ZNF337: variants seen among roughly 807,000 people sequenced by gnomAD.
ZNF337 encodes the protein zinc finger protein 337.
A neutral mutation model predicts 12.1 loss-of-function variants in ZNF337; 8 were observed. That is an observed-to-expected ratio of 0.66 (90% CI 0.39 to 1.19). ZNF337 has a LOEUF of 1.19. ZNF337 is among the 50% of genes most tolerant of loss of function. ZNF337 has a pLI of 0.01. For synonymous variants in ZNF337, 336 were observed against 320.0 expected (o/e 1.05, Z -0.53); for missense variants, 882 against 896.6 (o/e 0.98, Z 0.21).
At chr20:25,695,870 T>TA (rs2065919810) in intron 1 of ZNF337, among the ~76,000 whole-genome samples, 1 of 152,176 alleles carries the variant, frequency 6.6e-6, no homozygotes, top group African/African-American at 2.4e-5. Context: ...CTGAATTGTA[T>TA]AAAATTAACC....
rs1349866877 is a variant in ZNF337 at position 25,675,520 on chromosome 20, G to A, written c.1768C>T (p.His590Tyr). 1.9e-6 allele frequency: 3 copies of A among 1,614,132 alleles called. No individual in the cohort carries two copies. The East Asian group carries it at 6.7e-5, about 36-fold the overall frequency. Residue 590 changes from histidine to tyrosine, a missense_variant, in exon 5 of 5, where the codon CAC becomes TAC. His to Tyr is a moderately conservative substitution (Grantham distance 83). Coordinates refer to ENST00000252979, the MANE Select transcript of ZNF337 (RefSeq NM_015655.4). ...TTCTCCCCTGAGTGTGTCTTCTGGT[G>A]GAAGAGGAGAGTTGATTTTAGGATG... ...GFILKSTLLFHQKTHSGEKPF... is the reference protein window; with the variant it reads ...GFILKSTLLFYQKTHSGEKPF...
In ZNF337 at chr20:25,674,876, G is replaced by A. The variant is rs2065657273; in HGVS notation, c.*156C>T. On this transcript the variant is annotated 3_prime_UTR_variant, in exon 5 of 5. Coordinates refer to ENST00000252979, the MANE Select transcript of ZNF337 (RefSeq NM_015655.4). The stretch of plus-strand genomic sequence containing the variant: ...GACCTCTTTTCTCTGAATCTCTTGG[G>A]GACACATGGGTTGAATTCAGGTTCT... 4.6e-6 allele frequency: 3 copies of A among 657,118 alleles called. No homozygotes were observed. Among genetic ancestry groups the A allele is most frequent in the East Asian group, 5.4e-5 (2 of 36,714 alleles). 40.7% of individuals were successfully genotyped at this position (657,118 alleles called of 1,614,324 possible).
chr20:25,673,947 T>C lies in ZNF337; in HGVS notation c.*1085A>G, dbSNP rs2065644747. On this transcript the variant is annotated 3_prime_UTR_variant, in exon 5 of 5. Coordinates refer to ENST00000252979, the MANE Select transcript of ZNF337 (RefSeq NM_015655.4). ...TTCTCAGGAAATCACCTGTGAAATA[T>C]TTTGCAGCTAACCACCTACCTGTGC... 1 of 152,216 alleles carries C rather than the reference T, an allele frequency of 6.6e-6. No homozygotes were observed. Among genetic ancestry groups the C allele is most frequent in the African/African-American group, 2.4e-5 (1 of 41,456 alleles). The allele number at this position is 152,216 out of a possible 1,614,324, so 9.4% of individuals were successfully genotyped here.
At position 25,676,141 on chromosome 20, in the gene ZNF337, G is replaced by A. The variant is rs1251013178; in HGVS notation, c.1147C>T (p.Gln383Ter). Residue 383 changes from glutamine (Q) to a stop codon, truncating the protein, a stop_gained, in exon 5 of 5, where the codon CAA (glutamine) becomes TAA (stop). Transcript: ENST00000252979. LOFTEE classifies it low-confidence loss of function (END_TRUNC). ...AGACTTCCTTTCACGCTAAAACTTT[G>A]CTTACACTGCCTGCACGCAAAGGGC... The part of the protein sequence containing the change: ...EKPFACRQCK[Q>*]SFSVKGSLLR... 1 of 1,613,436 alleles carries A rather than the reference G, an allele frequency of 6.2e-7. No individual in the cohort carries two copies. Among genetic ancestry groups the A allele is most frequent in the East Asian group, 2.2e-5 (1 of 44,782 alleles).
At position 25,675,526 on chromosome 20, in the gene ZNF337, G is replaced by A; in HGVS notation, c.1762C>T (p.Leu588Phe). 1 of 1,612,162 alleles carries A rather than the reference G, an allele frequency of 6.2e-7. No individual in the cohort carries two copies. Among genetic ancestry groups the A allele is most frequent in the Non-Finnish European group, 8.5e-7 (1 of 1,179,326 alleles). The change falls in exon 5 of 5, where the codon CTC becomes TTC. Residue 588 changes from leucine (L) to phenylalanine (F), a missense_variant. Coordinates refer to ENST00000252979, the MANE Select transcript of ZNF337 (RefSeq NM_015655.4). Reference sequence around the variant, plus strand: ...CCTGAGTGTGTCTTCTGGTGGAAGAGGAGAGTTGATTTTAGGATGAAGCCT... The same window carrying A: ...CCTGAGTGTGTCTTCTGGTGGAAGAAGAGAGTTGATTTTAGGATGAAGCCT... ...GRGFILKSTL[L>F]FHQKTHSGEK...
Position 25,685,576 on chromosome 20 carries a change from G to C in ZNF337, c.241C>G (p.Pro81Ala), listed in dbSNP as rs202151029. Reference protein sequence around the residue: ...WGEERRRRPGPCAGIYAEHVL... With the variant: ...WGEERRRRPGACAGIYAEHVL... ...CTGTCTATCCCCTCACCTGCACAGGGGCCTGGCCGGCGTCTTCTCTCTTCT... is the reference window on the plus strand; with the variant it reads ...CTGTCTATCCCCTCACCTGCACAGGCGCCTGGCCGGCGTCTTCTCTCTTCT... Residue 81 changes from proline (P) to alanine (A), a missense_variant, in exon 4 of 5, where the codon CCC (proline) becomes GCC (alanine). Physicochemically the swap from Pro to Ala is conservative, Grantham distance 27. Coordinates refer to ENST00000252979, the MANE Select transcript of ZNF337 (RefSeq NM_015655.4). 4 of 1,613,840 alleles carry C rather than the reference G, an allele frequency of 2.5e-6. No homozygotes were observed. Among genetic ancestry groups the C allele is most frequent in the African/African-American group, 2.7e-5 (2 of 74,924 alleles).
Position 25,676,131 on chromosome 20 carries a change from C to A in ZNF337, c.1157G>T (p.Ser386Ile). The A allele has an allele frequency of 6.2e-7, 1 of 1,612,190 alleles. No individual in the cohort carries two copies. The highest frequency in any genetic ancestry group is 8.5e-7 in the Non-Finnish European group (1 of 1,179,526). Reference protein sequence around the residue: ...FACRQCKQSFSVKGSLLRHQR... With the variant: ...FACRQCKQSFIVKGSLLRHQR... ...GTGTCTGAGGAGACTTCCTTTCACG[C>A]TAAAACTTTGCTTACACTGCCTGCA... Residue 386 changes from serine to isoleucine, a missense_variant, in exon 5 of 5, where the codon AGC becomes ATC. Coordinates refer to ENST00000252979, the MANE Select transcript of ZNF337 (RefSeq NM_015655.4).
intron 3 of ZNF337, 115 bp from the exon 4 acceptor site, chr20:25,685,777 G>A: frequency 8.5e-7 from 1 of 1,183,022 alleles, no homozygotes; most frequent in Non-Finnish European, 1.2e-6. Flanking sequence ...AGGCTCAGGA[G>A]GACCCTGTCT....
rs1001794497 is a variant in ZNF337 at position 25,690,512 on chromosome 20, T to A, written c.-49-4046A>T. Among the ~76,000 whole-genome samples the A allele has an allele frequency of 1.3e-4, 20 of 152,156 alleles. 1 individual carries two copies. Among genetic ancestry groups the A allele is most frequent in the African/African-American group, 4.8e-4 (20 of 41,436 alleles). ...CTGAGAAAGCACAGTAGACCTTTCT[T>A]ACAAGGTTCTAAGCTGTTGGAGGCT... On this transcript the variant is annotated intron_variant, in intron 1 of 4. Transcript: ENST00000252979.
At chr20:25,689,711 CAG>C (rs2065868616) in intron 1 of ZNF337, among the ~76,000 whole-genome samples, 1 of 152,078 alleles carries the variant, frequency 6.6e-6, no homozygotes, top group African/African-American at 2.4e-5. Context: ...GGCACATAAA[CAG>C]GGGGAAGGGA....
At chr20:25,696,620 C>T in intron 1 of ZNF337, 139 bp downstream of exon 1, 1 of 551,152 alleles carries the variant, frequency 1.8e-6, no homozygotes, top group South Asian at 7.7e-5. Flanking sequence ...TCCGCCCCTC[C>T]CCAGAACGCG....
rs1307992461 is a variant in ZNF337 at position 25,683,861 on chromosome 20, C to G, written c.250+1706G>C. ...AGCCATCCCATTACCAGGTATATAC[C>G]CAAAGGAATATAAATCATGCTGCTA... On this transcript the variant is annotated intron_variant, in intron 4 of 4. Transcript: ENST00000252979. 5.3e-5 allele frequency among the ~76,000 whole-genome samples: 8 copies of G among 151,856 alleles called. No homozygotes were observed. The East Asian group carries it at 1.5e-3, about 29-fold the overall frequency.
At chr20:25,681,950 C>T (rs1232373689) in intron 4 of ZNF337, among the ~76,000 whole-genome samples, 3 of 152,040 alleles carry the variant, frequency 2.0e-5, no homozygotes, top group African/African-American at 4.8e-5. Flanking sequence ...GGTAAGTAAG[C>T]GATAAAGAAT....
In ZNF337 at chr20:25,686,124, T is replaced by C; in HGVS notation, c.28-2A>G. On this transcript the variant is annotated splice_acceptor_variant, in intron 2 of 4. Transcript: ENST00000252979. LOFTEE classifies it high-confidence loss of function. ...GACATCCCCAAATGCCAAGAAAGCC[T>C]GTAACACAAAACCCAGGCATGCTCA... 1.9e-6 allele frequency: 3 copies of C among 1,613,826 alleles called. No individual in the cohort carries two copies. The highest frequency in any genetic ancestry group is 2.5e-6 in the Non-Finnish European group (3 of 1,179,928).
chr20:25,683,514 GA>G (rs376683089), intron 4 of ZNF337, among the ~76,000 whole-genome samples: 37,468 of 145,048 alleles, frequency 0.26, 7,849 homozygotes, highest in African/African-American at 0.58. Context: ...AAATTTACAA[GA>G]AAAAAAAAAA....
Position 25,675,721 on chromosome 20 carries a change from G to A in ZNF337, c.1567C>T (p.Arg523Ter), listed in dbSNP as rs755897803. ...AGATTTGGCTTCAAGGTAAAGCCTCGCCCACAATCCCTGCAGAAAAAACGT... is the reference window on the plus strand; with the variant it reads ...AGATTTGGCTTCAAGGTAAAGCCTCACCCACAATCCCTGCAGAAAAAACGT... Reference protein sequence around the residue: ...EKRFFCRDCGRGFTLKPNLTI... With the variant: ...EKRFFCRDCG Residue 523 changes from arginine (R) to a stop codon, truncating the protein, a stop_gained, in exon 5 of 5, where the codon CGA (arginine) becomes TGA (stop). Coordinates refer to ENST00000252979, the MANE Select transcript of ZNF337 (RefSeq NM_015655.4). LOFTEE classifies it low-confidence loss of function (END_TRUNC). The A allele has an allele frequency of 1.1e-5, 18 of 1,613,830 alleles. No homozygotes were observed. The Admixed American group carries it at 1.3e-4, about 12-fold the overall frequency.
At chr20:25,686,174 A>G in intron 2 of ZNF337, 52 bp from the exon 3 acceptor site, 1 of 1,609,002 alleles carries the variant, frequency 6.2e-7, no homozygotes, top group Non-Finnish European at 8.5e-7. Context: ...GCACTCACGC[A>G]GTTGGAGGAT....
At chr20:25,683,828 T>A (rs948965627) in intron 4 of ZNF337, among the ~76,000 whole-genome samples, 1 of 152,096 alleles carries the variant, frequency 6.6e-6, no homozygotes, top group Non-Finnish European at 1.5e-5. Flanking sequence ...AGAAATACCA[T>A]TTGACTCAGC....
chr20:25,686,781 A>G, intron 1 of ZNF337: 1 of 234,902 alleles, frequency 4.3e-6, no homozygotes, highest in Non-Finnish European at 6.9e-6. Flanking sequence ...TGTTCTTTGC[A>G]CTGGACAGAA....
Sources: gnomAD v4.1 joint callset for allele counts (sites outside exome capture counted in the v4.1 genomes callset) on GRCh38, gnomAD v4.1.1 for gene constraint, MANE v1.5 for transcripts, NCBI Gene and HGNC (gene_info 2026-07-23, HGNC 2026-07-21) for gene names.